The following SHANK2 variants were observed in gnomAD, a reference collection of about 807,000 sequenced individuals.
The protein encoded by SHANK2 is SH3 and multiple ankyrin repeat domains protein 2.
In SHANK2, 43 loss-of-function variants were observed where a neutral mutation model predicts 133.7. The observed-to-expected ratio is 0.32, with a 90% CI of 0.25 to 0.41. The LOEUF is 0.41. Ranked by LOEUF, SHANK2 falls within the 10% of genes least tolerant of loss-of-function variation. The pLI is 1.00. For synonymous variants in SHANK2, 1,017 were observed against 952.8 expected (o/e 1.07, Z -1.24); for missense variants, 1,994 against 2,235.8 (o/e 0.89, Z 2.18).
chr11:70,746,485 C>T (rs1946640926), intron 14 of SHANK2, among the ~76,000 whole-genome samples: 1 of 151,752 alleles, frequency 6.6e-6, no homozygotes, highest in African/African-American at 2.4e-5. Context: ...CTGGACCTTC[C>T]TTCAGGGCGG....
At chr11:70,861,160 C>G (rs1396330200) in intron 11 of SHANK2, among the ~76,000 whole-genome samples, 1 of 152,200 alleles carries the variant, frequency 6.6e-6, no homozygotes, top group African/African-American at 2.4e-5. Flanking sequence ...CTGCCACTTC[C>G]CTGAGGGTTT....
intron 2 of SHANK2, 53 bp from the exon 3 acceptor site, chr11:71,147,391 A>C (rs1555106958): frequency 2.1e-6 from 3 of 1,456,756 alleles, no homozygotes; most frequent in Non-Finnish European, 2.8e-6. Flanking sequence ...AAATGAAAGA[A>C]AACCCAGGGG....
At chr11:70,636,511 A>G (rs183275336) in intron 17 of SHANK2, among the ~76,000 whole-genome samples, 1 of 148,992 alleles carries the variant, frequency 6.7e-6, no homozygotes, top group Admixed American at 6.7e-5. Context: ...ACGAGGATGC[A>G]TGAGAATGTG....
intron 17 of SHANK2, among the ~76,000 whole-genome samples, chr11:70,600,953 A>G (rs1217684570): frequency 1.3e-5 from 2 of 152,246 alleles, no homozygotes; most frequent in African/African-American, 2.4e-5. Context: ...ATTCATCTAC[A>G]TTAAATTAGA....
intron 17 of SHANK2, among the ~76,000 whole-genome samples, chr11:70,580,459 A>G (rs2060169492): frequency 6.6e-6 from 1 of 152,156 alleles, no homozygotes; most frequent in Non-Finnish European, 1.5e-5. Context: ...CTCCTGCAGG[A>G]TGAAATTGGA....
intron 17 of SHANK2, among the ~76,000 whole-genome samples, chr11:70,611,348 G>T (rs193077300): frequency 1.3e-5 from 2 of 152,286 alleles, no homozygotes; most frequent in African/African-American, 2.4e-5. Context: ...CCAGCAGCCT[G>T]CAGGGCTGTG....
intron 17 of SHANK2, among the ~76,000 whole-genome samples, chr11:70,528,093 G>A: frequency 6.6e-6 from 1 of 152,232 alleles, no homozygotes; most frequent in East Asian, 1.9e-4. Context: ...CAAGGCAGAA[G>A]GTAGGAACCA....
rs1480147449 is a variant in SHANK2 at position 70,471,747 on chromosome 11, G to A, written c.*1122C>T. On this transcript the variant is annotated 3_prime_UTR_variant, in exon 26 of 26. Transcript: ENST00000601538. The surrounding 1 kb of genome is among the most constrained non-coding windows in gnomAD (Gnocchi z 4.1). ...TCTTCCCTGGCCTCCGAGAGCAAAAGGACTGTCTCAGCAGAGATGCTCACC... is the reference window on the plus strand; with the variant it reads ...TCTTCCCTGGCCTCCGAGAGCAAAAAGACTGTCTCAGCAGAGATGCTCACC... 4.8e-6 allele frequency: 1 copy of A among 209,000 alleles called. No homozygotes were observed. Among genetic ancestry groups the A allele is most frequent in the Non-Finnish European group, 9.4e-6 (1 of 105,904 alleles). 12.9% of individuals were successfully genotyped at this position (209,000 alleles called of 1,614,324 possible). A position where few individuals can be genotyped will look rare whatever the true frequency, so the allele number is the denominator to read the frequency against.
intron 14 of SHANK2, among the ~76,000 whole-genome samples, chr11:70,791,021 C>T (rs1485159689): frequency 1.3e-5 from 2 of 152,232 alleles, no homozygotes; most frequent in East Asian, 3.8e-4. Flanking sequence ...AGCCCGTCTG[C>T]TGACCAGAAG....
chr11:70,872,523 G>T lies in SHANK2; in HGVS notation c.1174+23978C>A, dbSNP rs572965590. The stretch of plus-strand genomic sequence containing the variant: ...CTAGAAGCGCTTGGTGGACACAGTG[G>T]GTGCAAACGACCAAGTGGCTGGATG... On this transcript the variant is annotated intron_variant, in intron 11 of 25. Transcript: ENST00000601538. Among the ~76,000 whole-genome samples, 3 of 152,112 alleles carry T rather than the reference G, an allele frequency of 2.0e-5. No homozygotes were observed. In the East Asian group the frequency reaches 5.9e-4, roughly 30 times the overall value.
At chr11:71,138,755 A>G (rs149582128) in intron 3 of SHANK2, among the ~76,000 whole-genome samples, 1,664 of 150,860 alleles carry the variant, frequency 0.011, 32 homozygotes, top group African/African-American at 0.039. Context: ...TGCACCACTG[A>G]ACTCCAGCCT....
intron 10 of SHANK2, among the ~76,000 whole-genome samples, chr11:70,945,434 G>A (rs1950710293): frequency 6.6e-6 from 1 of 152,184 alleles, no homozygotes; most frequent in Non-Finnish European, 1.5e-5. Context: ...CACACCTACG[G>A]CCTCATGTGG....
At chr11:71,057,753 T>C (rs1231920641) in intron 9 of SHANK2, among the ~76,000 whole-genome samples, 1 of 149,738 alleles carries the variant, frequency 6.7e-6, no homozygotes, top group Non-Finnish European at 1.5e-5. Flanking sequence ...CTCAATATAT[T>C]GCCCAGGCTA....
chr11:70,587,564 G>A (rs782802821), intron 17 of SHANK2, among the ~76,000 whole-genome samples: 5 of 152,162 alleles, frequency 3.3e-5, no homozygotes, highest in East Asian at 1.9e-4. Flanking sequence ...CAGCGAGTCC[G>A]ACATTCAGAG....
intron 2 of SHANK2, among the ~76,000 whole-genome samples, chr11:71,212,732 T>C (rs1954308688): frequency 6.6e-6 from 1 of 152,216 alleles, no homozygotes; most frequent in African/African-American, 2.4e-5. Context: ...TGAATCCACT[T>C]CCTCAACGTC....
chr11:71,116,807 C>G (rs1590928403), intron 4 of SHANK2, among the ~76,000 whole-genome samples: 1 of 152,264 alleles, frequency 6.6e-6, no homozygotes, highest in East Asian at 1.9e-4. Context: ...AATTCTCGCT[C>G]TGTTAGTTCA....
At chr11:71,132,735 C>T (rs1464812265) in intron 3 of SHANK2, among the ~76,000 whole-genome samples, 3 of 152,102 alleles carry the variant, frequency 2.0e-5, no homozygotes, top group East Asian at 1.9e-4. Context: ...TGCCCTGTGA[C>T]GTGAATAATA....
In SHANK2 at chr11:70,804,635, C is replaced by T. The variant is rs1369634514; in HGVS notation, c.1663+2367G>A. ...GCAGAGAGGCTGAGGAGGCCCAGTC[C>T]TGGGGCCTGGATAGGAGTCACGTGA... On this transcript the variant is annotated intron_variant, in intron 13 of 25. Transcript: ENST00000601538. The surrounding 1 kb of genome is among the most constrained non-coding windows in gnomAD (Gnocchi z 4.1). 2.6e-5 allele frequency among the ~76,000 whole-genome samples: 4 copies of T among 152,178 alleles called. No individual in the cohort carries two copies. Among genetic ancestry groups the T allele is most frequent in the Non-Finnish European group, 4.4e-5 (3 of 68,032 alleles).
intron 14 of SHANK2, among the ~76,000 whole-genome samples, chr11:70,745,299 C>T (rs1555035740): frequency 6.6e-6 from 1 of 152,216 alleles, no homozygotes; most frequent in African/African-American, 2.4e-5. Context: ...ACAGCAAGCT[C>T]GTGATACCCA....
Sources: allele counts gnomAD v4.1 joint callset (sites outside exome capture counted in the v4.1 genomes callset), GRCh38; gene constraint gnomAD v4.1.1; non-coding constraint Gnocchi (gnomAD v3.1); transcripts MANE v1.5; gene names NCBI Gene and HGNC (gene_info 2026-07-23, HGNC 2026-07-21).